CNTN6: variants seen among roughly 807,000 people sequenced by gnomAD.
CNTN6 encodes the protein contactin-6.
CNTN6 carries 137 observed loss-of-function variants against 122.8 expected under a neutral mutation model. That is an observed-to-expected ratio of 1.12 (90% CI 0.97 to 1.29). CNTN6 has a LOEUF of 1.29. Among genes scored for constraint, CNTN6 ranks in the 50% most tolerant of loss-of-function variants. The probability of loss-of-function intolerance (pLI) is 0.00; values close to 1 mark genes in which losing one functional copy is unlikely to be tolerated. For synonymous variants in CNTN6, 570 were observed against 426.0 expected (o/e 1.34, Z -4.16); for missense variants, 1,634 against 1,223.4 (o/e 1.34, Z -5.01).
At chr3:1,152,360 A>G (rs2092864934) in intron 2 of CNTN6, among the ~76,000 whole-genome samples, 1 of 152,042 alleles carries the variant, frequency 6.6e-6, no homozygotes, top group Non-Finnish European at 1.5e-5. Flanking sequence ...GCTGGTCTCA[A>G]ACTCCTGAGC....
rs967495022 is a variant in CNTN6, at chr3:1,377,008, C to A, written c.2099C>A (p.Pro700His). ...SELLRTKASV[P>H]VVAPVNIHGG... is the part of the protein sequence containing the mutation. The stretch of plus-strand genomic sequence containing the variant: ...CATTTCTCTTGGTTATTTTTAGTCC[C>A]TGTTGTGGCACCAGTAAACATCCAT... Residue 700 changes from proline (P) to histidine (H), a missense_variant, in exon 17 of 23, where the codon CCT becomes CAT. Coordinates refer to ENST00000446702, the MANE Select transcript of CNTN6 (RefSeq NM_001289080.2). The A allele has an allele frequency of 1.9e-6, 3 of 1,592,216 alleles. No homozygotes were observed. Among genetic ancestry groups the A allele is most frequent in the Non-Finnish European group, 2.6e-6 (3 of 1,167,776 alleles).
chr3:1,191,809 A>G (rs1269480628), intron 2 of CNTN6, among the ~76,000 whole-genome samples: 1 of 152,160 alleles, frequency 6.6e-6, no homozygotes, highest in Non-Finnish European at 1.5e-5. Flanking sequence ...AAATTGTAGG[A>G]CACATCCAAT....
intron 20 of CNTN6, chr3:1,394,279 A>AGAT (rs1429930710): frequency 5.8e-5 from 12 of 206,522 alleles, no homozygotes; most frequent in Admixed American, 1.8e-4. Flanking sequence ...CAGAGGACCA[A>AGAT]GATGATAGCA....
chr3:1,372,543 A>G (rs1442449821), intron 13 of CNTN6, 69 bp downstream of exon 13: 11 of 1,257,180 alleles, frequency 8.7e-6, no homozygotes, highest in Non-Finnish European at 1.1e-5. Context: ...ACCATTTTTC[A>G]TAGTTACTCT....
At chr3:1,257,895 C>G (rs374917792) in intron 4 of CNTN6, among the ~76,000 whole-genome samples, 88 of 152,234 alleles carry the variant, frequency 5.8e-4, no homozygotes, top group East Asian at 4.6e-3. Flanking sequence ...GTAAATAGGT[C>G]AGATATAAAG....
intron 5 of CNTN6, among the ~76,000 whole-genome samples, chr3:1,283,411 C>T (rs930317152): frequency 6.6e-6 from 1 of 152,036 alleles, no homozygotes; most frequent in South Asian, 2.1e-4. Context: ...TCACTCGTCA[C>T]AAAAAATGTC....
chr3:1,312,722 C>T (rs1271455145), intron 7 of CNTN6, among the ~76,000 whole-genome samples: 3 of 151,404 alleles, frequency 2.0e-5, no homozygotes, highest in Non-Finnish European at 2.9e-5. Flanking sequence ...GGTTTGCTCT[C>T]ATTTTGTACC....
At chr3:1,188,614 A>G (rs987756001) in intron 2 of CNTN6, among the ~76,000 whole-genome samples, 3 of 152,362 alleles carry the variant, frequency 2.0e-5, no homozygotes, top group African/African-American at 7.2e-5. Context: ...CTGCTCTTTC[A>G]ACAAACCCAA....
At chr3:1,269,858 T>A (rs115614582) in intron 4 of CNTN6, among the ~76,000 whole-genome samples, 4 of 152,306 alleles carry the variant, frequency 2.6e-5, no homozygotes, top group African/African-American at 9.6e-5. Flanking sequence ...AACAACGCAT[T>A]TTTTTCTCTA....
At chr3:1,348,920 T>A (rs536819922) in intron 11 of CNTN6, among the ~76,000 whole-genome samples, 1 of 152,010 alleles carries the variant, frequency 6.6e-6, no homozygotes, top group Admixed American at 6.6e-5. Context: ...CCCTATAATA[T>A]GTCATAGCCT....
chr3:1,346,158 T>G (rs1704655489), intron 11 of CNTN6, among the ~76,000 whole-genome samples: 1 of 152,118 alleles, frequency 6.6e-6, no homozygotes, highest in Admixed American at 6.5e-5. Context: ...AATTAAGGAT[T>G]GGGTAGATAT....
rs758555625 is a variant in CNTN6 at position 1,402,328 on chromosome 3, G to A, written c.2828G>A (p.Arg943Gln). The change falls in exon 22 of 23, where the codon CGG becomes CAG. Residue 943 changes from arginine (R) to glutamine (Q), a missense_variant. Transcript: ENST00000446702. The stretch of plus-strand genomic sequence containing the variant: ...CCTCATTTTATTCAGATTCTGTACC[G>A]GCAAAACAGACAGAGTAAAACTCAT... ...SEVLGYKILY[R>Q]QNRQSKTHIL... 22 of 1,606,374 alleles carry A rather than the reference G, an allele frequency of 1.4e-5. No homozygotes were observed. The East Asian group carries it at 1.6e-4, about 11-fold the overall frequency.
At chr3:1,349,292 A>G (rs569974724) in intron 11 of CNTN6, among the ~76,000 whole-genome samples, 1 of 151,710 alleles carries the variant, frequency 6.6e-6, no homozygotes, top group Non-Finnish European at 1.5e-5. Flanking sequence ...CCCTGTAACT[A>G]TATGCTTTGT....
intron 2 of CNTN6, among the ~76,000 whole-genome samples, chr3:1,154,811 A>G (rs138936926): frequency 9.5e-4 from 145 of 152,278 alleles, no homozygotes; most frequent in African/African-American, 3.3e-3. Flanking sequence ...ACTCCTTGCC[A>G]TTCCATCAAG....
At chr3:1,400,220 C>A (rs1248883869) in intron 20 of CNTN6, among the ~76,000 whole-genome samples, 1 of 152,092 alleles carries the variant, frequency 6.6e-6, no homozygotes, top group East Asian at 1.9e-4. Context: ...TTTACTTCCA[C>A]TTTCCAGATG....
chr3:1,101,139 A>G lies in CNTN6; in HGVS notation c.-83+8019A>G, dbSNP rs562560214. Among the ~76,000 whole-genome samples the G allele has an allele frequency of 1.8e-4, 28 of 152,276 alleles. 1 individual carries two copies. The highest frequency in any genetic ancestry group is 6.7e-4 in the African/African-American group (28 of 41,550). On this transcript the variant is annotated intron_variant, in intron 1 of 22. Transcript: ENST00000446702. ...TTTTGGCTTCAAATTATATTACCATATAGACAGAATGAATTTGGGCCCTAC... is the reference window on the plus strand; with the variant it reads ...TTTTGGCTTCAAATTATATTACCATGTAGACAGAATGAATTTGGGCCCTAC...
chr3:1,157,367 G>A (rs2092998474), intron 2 of CNTN6, among the ~76,000 whole-genome samples: 1 of 151,996 alleles, frequency 6.6e-6, no homozygotes, highest in Non-Finnish European at 1.5e-5. Flanking sequence ...ACAGGCATGT[G>A]CCACCACACC....
At chr3:1,269,955 A>G (rs1207817468) in intron 4 of CNTN6, among the ~76,000 whole-genome samples, 1 of 152,172 alleles carries the variant, frequency 6.6e-6, no homozygotes, top group Non-Finnish European at 1.5e-5. Flanking sequence ...TGACACCAGG[A>G]GCTCTTAAAA....
At chr3:1,388,034 G>T (rs1004993929) in intron 20 of CNTN6, among the ~76,000 whole-genome samples, 69 of 151,950 alleles carry the variant, frequency 4.5e-4, no homozygotes, top group African/African-American at 1.5e-3. Context: ...AAGCAGCCAG[G>T]AAGCTCCAAC....
Sources: gnomAD v4.1 joint callset for allele counts (sites outside exome capture counted in the v4.1 genomes callset) on GRCh38, gnomAD v4.1.1 for gene constraint, MANE v1.5 for transcripts, NCBI Gene and HGNC (gene_info 2026-07-23, HGNC 2026-07-21) for gene names.